Variants in MGAT4C observed in about 807,000 individuals in gnomAD.
MGAT4C encodes the protein alpha-1,3-mannosyl-glycoprotein 4-beta-N-acetylglucosaminyltransferase C.
A neutral mutation model predicts 40.1 loss-of-function variants in MGAT4C; 19 were observed. The ratio of observed to expected loss-of-function variants is 0.47; its 90% confidence interval spans 0.33 to 0.70. MGAT4C has a LOEUF of 0.70. Ranked by LOEUF, MGAT4C falls within the 30% of genes least tolerant of loss-of-function variation. MGAT4C has a pLI of 0.02. For synonymous variants in MGAT4C, 181 were observed against 187.1 expected (o/e 0.97, Z 0.27); for missense variants, 491 against 563.2 (o/e 0.87, Z 1.30).
chr12:86,721,812 T>G lies in MGAT4C; in HGVS notation c.-229+5397A>C, dbSNP rs74338085. Among the ~76,000 whole-genome samples the G allele has an allele frequency of 1.6e-4, 24 of 152,238 alleles. No individual in the cohort carries two copies. In the East Asian group the frequency reaches 4.4e-3, roughly 28 times the overall value. ...AGAGGGTCCAAGCTGGGTCCCTGAT[T>G]GTTTAAGTCTATTTATGTAGCACGC... On this transcript the variant is annotated intron_variant, in intron 2 of 7. Transcript: ENST00000548651.
intron 4 of MGAT4C, among the ~76,000 whole-genome samples, chr12:86,292,678 G>C (rs1953553851): frequency 1.3e-5 from 2 of 152,238 alleles, no homozygotes; most frequent in Admixed American, 1.3e-4. Flanking sequence ...GAAAACTGCT[G>C]TTCCATTCTA....
chr12:86,152,230 T>G (rs561967268), intron 1 of MGAT4C, among the ~76,000 whole-genome samples: 1 of 152,244 alleles, frequency 6.6e-6, no homozygotes, highest in East Asian at 1.9e-4. Flanking sequence ...CATCTGAGAC[T>G]GAATAGTTTA....
chr12:86,559,718 A>T (rs1959776258), intron 2 of MGAT4C, among the ~76,000 whole-genome samples: 2 of 152,022 alleles, frequency 1.3e-5, no homozygotes, highest in African/African-American at 4.8e-5. Context: ...TAAATAAACA[A>T]TCTAATGATG....
At chr12:86,315,637 C>T (rs1307075102) in intron 4 of MGAT4C, among the ~76,000 whole-genome samples, 9 of 152,014 alleles carry the variant, frequency 5.9e-5, no homozygotes, top group Non-Finnish European at 2.9e-5. Context: ...ACCCGGGAGG[C>T]GGAGCTTGCA....
intron 2 of MGAT4C, among the ~76,000 whole-genome samples, chr12:86,501,568 C>G (rs889579891): frequency 7.7e-6 from 1 of 129,700 alleles, no homozygotes; most frequent in African/African-American, 2.9e-5. Flanking sequence ...CTGTTCATAT[C>G]CCACTTATAA....
intron 1 of MGAT4C, among the ~76,000 whole-genome samples, chr12:86,103,957 T>C (rs1285256204): frequency 6.6e-6 from 1 of 152,146 alleles, no homozygotes; most frequent in Non-Finnish European, 1.5e-5. Context: ...TCAGTGTGAA[T>C]TCTGGCTTTG....
intron 2 of MGAT4C, among the ~76,000 whole-genome samples, chr12:86,681,858 G>A (rs1351208688): frequency 6.6e-6 from 1 of 152,018 alleles, no homozygotes; most frequent in South Asian, 2.1e-4. Context: ...CTTTCAGAGA[G>A]ATTTCTAGAA....
At chr12:86,082,924 T>A (rs1045092654) in intron 1 of MGAT4C, among the ~76,000 whole-genome samples, 1 of 152,100 alleles carries the variant, frequency 6.6e-6, no homozygotes, top group African/African-American at 2.4e-5. Context: ...ACATGAAAAT[T>A]ATTTTCAGAG....
At chr12:86,589,072 T>C (rs1220251730) in intron 2 of MGAT4C, among the ~76,000 whole-genome samples, 2 of 149,842 alleles carry the variant, frequency 1.3e-5, no homozygotes, top group Non-Finnish European at 3.0e-5. Flanking sequence ...CTGAAGGAAA[T>C]AGAGACACAA....
chr12:86,711,931 T>C (rs1344357208), intron 2 of MGAT4C, among the ~76,000 whole-genome samples: 2 of 152,082 alleles, frequency 1.3e-5, no homozygotes, highest in Non-Finnish European at 2.9e-5. Context: ...ACTGCACAGA[T>C]CATATGCCCA....
At chr12:86,596,658 G>GT (rs1479081081) in intron 2 of MGAT4C, among the ~76,000 whole-genome samples, 4 of 152,154 alleles carry the variant, frequency 2.6e-5, no homozygotes, top group African/African-American at 9.7e-5. Flanking sequence ...TTAATTGGCT[G>GT]TAAGTCTTTT....
chr12:86,788,543 A>G (rs550559423), intron 1 of MGAT4C, among the ~76,000 whole-genome samples: 46 of 152,244 alleles, frequency 3.0e-4, no homozygotes, highest in African/African-American at 1.0e-3. Context: ...AGGAGTTGCC[A>G]TGGATCCTGT....
chr12:86,597,492 T>C (rs1162557981), intron 2 of MGAT4C, among the ~76,000 whole-genome samples: 1 of 152,244 alleles, frequency 6.6e-6, no homozygotes, highest in Non-Finnish European at 1.5e-5. Context: ...AGTTGTGTTG[T>C]CCCTATTGCC....
At chr12:86,442,083 T>C (rs1390722953) in intron 2 of MGAT4C, among the ~76,000 whole-genome samples, 5 of 152,230 alleles carry the variant, frequency 3.3e-5, no homozygotes, top group Admixed American at 6.5e-5. Context: ...TTTGCATTTC[T>C]CTGATGGCCA....
At chr12:86,491,675 C>T (rs1958138339) in intron 2 of MGAT4C, among the ~76,000 whole-genome samples, 1 of 151,232 alleles carries the variant, frequency 6.6e-6, no homozygotes, top group South Asian at 2.1e-4. Context: ...TATGACAAAC[C>T]CACAGCCAAT....
At chr12:86,449,384 T>C (rs1252344172) in intron 2 of MGAT4C, among the ~76,000 whole-genome samples, 2 of 152,200 alleles carry the variant, frequency 1.3e-5, no homozygotes, top group Admixed American at 1.3e-4. Flanking sequence ...TCCTCTATGA[T>C]TTCAGATTTA....
intron 1 of MGAT4C, among the ~76,000 whole-genome samples, chr12:86,194,456 A>AT (rs763005541): frequency 0.14 from 19,882 of 142,664 alleles, 1,657 homozygotes; most frequent in Middle Eastern, 0.24. Context: ...GAGCAAATCA[A>AT]TTTTTTTTTT....
chr12:86,668,760 C>T (rs1016935666), intron 2 of MGAT4C, among the ~76,000 whole-genome samples: 9 of 152,204 alleles, frequency 5.9e-5, no homozygotes, highest in African/African-American at 2.2e-4. Context: ...AGGAGAAGAG[C>T]TGCTACAGCT....
intron 1 of MGAT4C, among the ~76,000 whole-genome samples, chr12:86,154,470 T>C (rs1884669958): frequency 2.0e-5 from 3 of 152,142 alleles, no homozygotes; most frequent in African/African-American, 7.2e-5. Flanking sequence ...TGGTCAGCTT[T>C]TTTGAGCCTT....
Sources: allele counts gnomAD v4.1 joint callset (sites outside exome capture counted in the v4.1 genomes callset), GRCh38; gene constraint gnomAD v4.1.1; transcripts MANE v1.5; gene names NCBI Gene and HGNC (gene_info 2026-07-23, HGNC 2026-07-21).